SLC9C1: variants seen among roughly 807,000 people sequenced by gnomAD.
SLC9C1 encodes the protein solute carrier family 9 member C1.
Under a neutral mutation model 140.9 loss-of-function variants are expected in SLC9C1, and 97 were observed. The ratio of observed to expected loss-of-function variants is 0.69; its 90% CI spans 0.58 to 0.82. The LOEUF (loss-of-function observed/expected upper bound fraction) is 0.82. SLC9C1 is among the 40% of genes least tolerant of loss of function. SLC9C1 has a pLI of 0.00. For missense variants in SLC9C1, 1,340 were observed against 1,389.3 expected, an observed-to-expected ratio of 0.96 and a Z score of 0.56; for synonymous variants, 440 against 442.6, an observed-to-expected ratio of 0.99 and a Z score of 0.07.
chr3:112,261,149 A>G (rs1576469334), intron 10 of SLC9C1, among the ~76,000 whole-genome samples: 1 of 152,084 alleles, frequency 6.6e-6, no homozygotes, highest in African/African-American at 2.4e-5. Context: ...TCCCTTATCC[A>G]ATACCCCAAA....
At chr3:112,198,338 C>A (rs944638509) in intron 20 of SLC9C1, among the ~76,000 whole-genome samples, 1 of 151,822 alleles carries the variant, frequency 6.6e-6, no homozygotes, top group Non-Finnish European at 1.5e-5. Context: ...TAAGCTAATT[C>A]CTTAAGATTT....
At chr3:112,293,802 C>G (rs1330582511) in intron 1 of SLC9C1, among the ~76,000 whole-genome samples, 4 of 152,110 alleles carry the variant, frequency 2.6e-5, no homozygotes, top group Non-Finnish European at 5.9e-5. Flanking sequence ...GTTTCAGTAA[C>G]GCAAAGGGAA....
intron 6 of SLC9C1, among the ~76,000 whole-genome samples, chr3:112,272,797 G>A (rs1053365464): frequency 1.3e-5 from 2 of 152,122 alleles, no homozygotes; most frequent in African/African-American, 4.8e-5. Flanking sequence ...ATGGAGGCAA[G>A]GGGATTTTGC....
chr3:112,233,057 A>AT (rs1412483667), intron 12 of SLC9C1, among the ~76,000 whole-genome samples: 2 of 87,430 alleles, frequency 2.3e-5, no homozygotes, highest in Admixed American at 1.4e-4. Context: ...ACACATATAT[A>AT]TATATATATA....
At chr3:112,141,905 C>T (rs2074636194) in intron 28 of SLC9C1, among the ~76,000 whole-genome samples, 1 of 151,916 alleles carries the variant, frequency 6.6e-6, no homozygotes, top group Non-Finnish European at 1.5e-5. Flanking sequence ...TTTTGCCTTC[C>T]TCTTCATATT....
intron 15 of SLC9C1, among the ~76,000 whole-genome samples, chr3:112,209,013 T>C (rs2078129557): frequency 6.6e-6 from 1 of 152,070 alleles, no homozygotes; most frequent in African/African-American, 2.4e-5. Flanking sequence ...TGATGGAGAG[T>C]AGAAATGTAG....
At chr3:112,172,652 A>C (rs2077267383) in intron 23 of SLC9C1, among the ~76,000 whole-genome samples, 1 of 152,030 alleles carries the variant, frequency 6.6e-6, no homozygotes, top group Non-Finnish European at 1.5e-5. Flanking sequence ...GTTTTTCATC[A>C]CTAGATGTGA....
intron 2 of SLC9C1, among the ~76,000 whole-genome samples, chr3:112,285,736 T>G (rs1373604045): frequency 6.6e-6 from 1 of 152,156 alleles, no homozygotes; most frequent in Non-Finnish European, 1.5e-5. Flanking sequence ...ATATTTTTCC[T>G]TATGGTATTC....
In SLC9C1 at chr3:112,238,845, T is replaced by C. The variant is rs535009540; in HGVS notation, c.1446+995A>G. ...TTCCTCTCAGAGGGGTACCCGGCCA[T>C]GTGAGGGGTCAGTCTGCCCCTACTG... On this transcript the variant is annotated intron_variant, in intron 12 of 28. Coordinates refer to ENST00000305815, the MANE Select transcript of SLC9C1 (RefSeq NM_183061.3). Among the ~76,000 whole-genome samples the C allele has an allele frequency of 1.6e-3, 249 of 152,296 alleles. 1 individual carries two copies. The Middle Eastern group carries it at 0.054, about 33-fold the overall frequency.
At chr3:112,205,221 A>G (rs2078013747) in intron 16 of SLC9C1, among the ~76,000 whole-genome samples, 1 of 151,440 alleles carries the variant, frequency 6.6e-6, no homozygotes, top group African/African-American at 2.4e-5. Flanking sequence ...ATACAAAATC[A>G]ATGTACAAAA....
At chr3:112,283,779 A>G (rs2080425577) in intron 2 of SLC9C1, among the ~76,000 whole-genome samples, 1 of 149,392 alleles carries the variant, frequency 6.7e-6, no homozygotes, top group Non-Finnish European at 1.5e-5. Context: ...TATTTCCATG[A>G]CCACAGTATT....
chr3:112,252,686 A>C, intron 10 of SLC9C1, among the ~76,000 whole-genome samples: 1 of 152,026 alleles, frequency 6.6e-6, no homozygotes, highest in African/African-American at 2.4e-5. Context: ...GTAGACTGCC[A>C]TCTTTGCTGT....
intron 10 of SLC9C1, among the ~76,000 whole-genome samples, chr3:112,250,272 A>G (rs1209986258): frequency 1.3e-5 from 2 of 151,860 alleles, no homozygotes. Flanking sequence ...ATAGTATTCC[A>G]TGGTGTATAT....
chr3:112,161,946 T>G (rs891005653), intron 26 of SLC9C1, among the ~76,000 whole-genome samples: 9 of 151,906 alleles, frequency 5.9e-5, no homozygotes, highest in African/African-American at 2.2e-4. Context: ...TTTATTTCCT[T>G]GAGCAGTGGT....
At chr3:112,183,465 G>A (rs2077480442) in intron 20 of SLC9C1, among the ~76,000 whole-genome samples, 1 of 143,130 alleles carries the variant, frequency 7.0e-6, no homozygotes, top group Admixed American at 7.4e-5. Flanking sequence ...ACTTGGCAAT[G>A]GCACCAGGTG....
At chr3:112,233,677 G>T (rs1202630980) in intron 12 of SLC9C1, among the ~76,000 whole-genome samples, 1 of 139,806 alleles carries the variant, frequency 7.2e-6, no homozygotes, top group African/African-American at 2.7e-5. Context: ...TACCCTTCCT[G>T]TGTCCATGTG....
intron 18 of SLC9C1, among the ~76,000 whole-genome samples, chr3:112,201,503 C>T (rs1443667986): frequency 6.6e-6 from 1 of 151,984 alleles, no homozygotes; most frequent in East Asian, 1.9e-4. Context: ...AAGTTTTGGG[C>T]ACATAAAATA....
intron 1 of SLC9C1, among the ~76,000 whole-genome samples, chr3:112,289,309 G>A (rs2080609255): frequency 6.6e-6 from 1 of 152,202 alleles, no homozygotes; most frequent in Non-Finnish European, 1.5e-5. Flanking sequence ...CCTATTAGAG[G>A]ATCTGCGCTT....
chr3:112,233,194 G>A (rs1012539748), intron 12 of SLC9C1, among the ~76,000 whole-genome samples: 8 of 151,496 alleles, frequency 5.3e-5, no homozygotes, highest in East Asian at 1.9e-4. Flanking sequence ...TCAGTCTCCC[G>A]AGTAGCGGGG....
Sources: gnomAD v4.1 joint callset for allele counts (sites outside exome capture counted in the v4.1 genomes callset) on GRCh38, gnomAD v4.1.1 for gene constraint, MANE v1.5 for transcripts, NCBI Gene and HGNC (gene_info 2026-07-23, HGNC 2026-07-21) for gene names.